Variants in KIAA1671 observed in about 807,000 individuals in gnomAD.
KIAA1671 encodes the protein uncharacterized protein KIAA1671.
A neutral mutation model predicts 131.2 loss-of-function variants in KIAA1671; 52 were observed. The ratio of observed to expected loss-of-function variants is 0.40; its 90% CI spans 0.32 to 0.50. The LOEUF is 0.50. KIAA1671 is among the 20% of genes least tolerant of loss of function. KIAA1671 has a pLI of 0.73. For synonymous variants in KIAA1671, 1,003 were observed against 961.6 expected (o/e 1.04, Z -0.80); for missense variants, 2,360 against 2,364.2 (o/e 1.00, Z 0.04).
intron 6 of KIAA1671, among the ~76,000 whole-genome samples, chr22:25,091,211 CCAT>C (rs1930011607): frequency 6.6e-6 from 1 of 152,144 alleles, no homozygotes; most frequent in African/African-American, 2.4e-5. Flanking sequence ...GCGCCCACCA[CCAT>C]GTCTGGCTAA....
Position 25,028,590 on chromosome 22 carries a change from T to C in KIAA1671, c.591T>C (p.Ala197=), listed in dbSNP as rs2145787395. 1 of 1,441,450 alleles carries C rather than the reference T, an allele frequency of 6.9e-7. No individual in the cohort carries two copies. The highest frequency in any genetic ancestry group is 3.0e-5 in the East Asian group (1 of 32,880). 89.3% of individuals were successfully genotyped at this position (1,441,450 alleles called of 1,614,324 possible). A position where few individuals can be genotyped will look rare whatever the true frequency, so the allele number is the denominator to read the frequency against. Residue 197 remains alanine, a synonymous_variant, in exon 3 of 13, where the codon GCT becomes GCC. Transcript: ENST00000358431. ...QKPAGTLPRS[A]PLSQDTKPPV... is the part of the protein sequence containing the mutation. ...CTGCGGGGACCCTTCCCCGGTCAGC[T>C]CCCCTGTCTCAGGACACAAAACCAC...
In KIAA1671 at chr22:24,971,736, G is replaced by A. The variant is rs114816926; in HGVS notation, c.-208+18964G>A. Reference sequence around the variant, plus strand: ...AAATTGGTATTTTTTTGGGGGGGTCGTGGATCATGAAGGAAAGAGTTTGGC... The same window carrying A: ...AAATTGGTATTTTTTTGGGGGGGTCATGGATCATGAAGGAAAGAGTTTGGC... On this transcript the variant is annotated intron_variant, in intron 1 of 12. Coordinates refer to ENST00000358431, the MANE Select transcript of KIAA1671 (RefSeq NM_001145206.2). Among the ~76,000 whole-genome samples the A allele has an allele frequency of 5.6e-3, 859 of 152,250 alleles. 7 individuals carry two copies. Among genetic ancestry groups the A allele is most frequent in the African/African-American group, 0.018 (758 of 41,552 alleles).
intron 6 of KIAA1671, chr22:25,059,685 G>C (rs923680367): frequency 6.6e-6 from 1 of 152,174 alleles, no homozygotes; most frequent in Admixed American, 6.6e-5. Context: ...TTGGCCAGGC[G>C]GAGGGAGGGG....
At chr22:24,998,973 T>C (rs1924290056) in intron 1 of KIAA1671, among the ~76,000 whole-genome samples, 1 of 152,044 alleles carries the variant, frequency 6.6e-6, no homozygotes, top group South Asian at 2.1e-4. Context: ...GTTATGAGCA[T>C]TCATATATAA....
At chr22:25,148,506 A>G (rs962990955) in intron 6 of KIAA1671, among the ~76,000 whole-genome samples, 4 of 152,222 alleles carry the variant, frequency 2.6e-5, no homozygotes, top group Non-Finnish European at 1.5e-5. Context: ...CCATGCAGGA[A>G]GTTCACAGCA....
In KIAA1671 at chr22:25,029,302, A is replaced by G; in HGVS notation, c.1303A>G (p.Arg435Gly). 1 of 1,529,002 alleles carries G rather than the reference A, an allele frequency of 6.5e-7. No individual in the cohort carries two copies. Among genetic ancestry groups the G allele is most frequent in the Non-Finnish European group, 8.8e-7 (1 of 1,133,426 alleles). The allele number at this position is 1,529,002 out of a possible 1,614,324, so 94.7% of individuals were successfully genotyped here. Residue 435 changes from arginine (R) to glycine (G), a missense_variant, in exon 3 of 13, where the codon AGG (arginine) becomes GGG (glycine). This residue lies in a region of KIAA1671 where 1,185 missense variants were observed against 1,126.2 expected (regional missense o/e 1.05). Coordinates refer to ENST00000358431, the MANE Select transcript of KIAA1671 (RefSeq NM_001145206.2). ...GGCAGGGGGAGAGTGGGCCTCCAGGAGGAGTGTCAGGAAGTGCATCAGCCT... is the reference window on the plus strand; with the variant it reads ...GGCAGGGGGAGAGTGGGCCTCCAGGGGGAGTGTCAGGAAGTGCATCAGCCT... Reference protein sequence around the residue: ...AAAGGEWASRRSVRKCISLFR... With the variant: ...AAAGGEWASRGSVRKCISLFR...
chr22:25,093,737 A>ACTCTCTCTCT (rs1326086246), intron 6 of KIAA1671, among the ~76,000 whole-genome samples: 23 of 30,144 alleles, frequency 7.6e-4, no homozygotes, highest in Non-Finnish European at 1.2e-3. Flanking sequence ...ACACACACAC[A>ACTCTCTCTCT]CTCTCTCTCT....
intron 6 of KIAA1671, among the ~76,000 whole-genome samples, chr22:25,117,104 G>A (rs1009165673): frequency 6.6e-6 from 1 of 152,150 alleles, no homozygotes; most frequent in Admixed American, 6.5e-5. Flanking sequence ...TCCAGACATT[G>A]CCAAGTCTCT....
At chr22:25,116,279 C>G (rs913917067) in intron 6 of KIAA1671, among the ~76,000 whole-genome samples, 3 of 151,112 alleles carry the variant, frequency 2.0e-5, no homozygotes, top group Non-Finnish European at 4.4e-5. Context: ...TGCTATGTTG[C>G]CCAGGCTGGT....
At chr22:25,137,015 CTAT>C (rs1242419285) in intron 6 of KIAA1671, among the ~76,000 whole-genome samples, 1 of 152,122 alleles carries the variant, frequency 6.6e-6, no homozygotes, top group African/African-American at 2.4e-5. Flanking sequence ...CTCCGCAATC[CTAT>C]TATTCTGTTC....
Position 25,032,677 on chromosome 22 carries a change from C to T in KIAA1671, c.1610C>T (p.Pro537Leu), listed in dbSNP as rs71321020. The T allele has an allele frequency of 1.3e-6, 2 of 1,545,902 alleles. No homozygotes were observed. Among genetic ancestry groups the T allele is most frequent in the South Asian group, 2.4e-5 (2 of 83,670 alleles). Residue 537 changes from proline (P) to leucine (L), a missense_variant, in exon 4 of 13, where the codon CCT (proline) becomes CTT (leucine). Coordinates refer to ENST00000358431, the MANE Select transcript of KIAA1671 (RefSeq NM_001145206.2). Reference protein sequence around the residue: ...EKSAELSGEFPKEPREKQKEG... With the variant: ...EKSAELSGEFLKEPREKQKEG... ...AGTGCTGAGCTGAGCGGCGAGTTTC[C>T]TAAGGAACCGAGAGAAAAGGTAAGG...
At chr22:25,164,978 C>CGT (rs59765745) in intron 6 of KIAA1671, among the ~76,000 whole-genome samples, 17,427 of 116,368 alleles carry the variant, frequency 0.15, 1,553 homozygotes, top group Middle Eastern at 0.16. Context: ...GAGTTGCAGG[C>CGT]GTGTGTGTGT....
rs1275632162 is a variant in KIAA1671 at position 25,177,409 on chromosome 22, G to A, written c.4961G>A (p.Arg1654His). The change falls in exon 9 of 13, where the codon CGC (arginine) becomes CAC (histidine). Residue 1654 changes from arginine (R) to histidine (H), a missense_variant. Arg to His is a conservative substitution (Grantham distance 29). This residue lies in a region of KIAA1671 where 1,161 missense variants were observed against 1,204.7 expected (regional missense o/e 0.96). Transcript: ENST00000358431. ...CGGGTGCAGCTCAGCAAGAGAAGCCGCCGCCGGGCCCCCATCTCCCACTCC... is the reference window on the plus strand; with the variant it reads ...CGGGTGCAGCTCAGCAAGAGAAGCCACCGCCGGGCCCCCATCTCCCACTCC... Reference protein sequence around the residue: ...KTRVQLSKRSRRRAPISHSLR... With the variant: ...KTRVQLSKRSHRRAPISHSLR... 1.7e-5 allele frequency: 26 copies of A among 1,551,726 alleles called. 1 individual carries two copies. In the Admixed American group the frequency reaches 3.1e-4, roughly 19 times the overall value.
At chr22:25,067,240 C>T (rs988706216) in intron 6 of KIAA1671, among the ~76,000 whole-genome samples, 1 of 152,010 alleles carries the variant, frequency 6.6e-6, no homozygotes, top group African/African-American at 2.4e-5. Flanking sequence ...TAGATTGGCT[C>T]TGTCTCCACC....
chr22:24,971,410 T>G (rs961926212), intron 1 of KIAA1671, among the ~76,000 whole-genome samples: 5 of 152,152 alleles, frequency 3.3e-5, no homozygotes, highest in African/African-American at 9.7e-5. Flanking sequence ...ATCCACAAAT[T>G]TGGGCATCTA....
chr22:25,018,232 C>T (rs5996817), intron 1 of KIAA1671, among the ~76,000 whole-genome samples: 3 of 151,806 alleles, frequency 2.0e-5, no homozygotes, highest in Admixed American at 1.3e-4. Context: ...AACGTTCCCA[C>T]CGCATTCCCT....
At chr22:25,184,492 A>G (rs1419513724) in intron 10 of KIAA1671, among the ~76,000 whole-genome samples, 1 of 152,202 alleles carries the variant, frequency 6.6e-6, no homozygotes, top group East Asian at 1.9e-4. Flanking sequence ...AGGGAACTTT[A>G]TGCACACCAT....
At chr22:25,151,534 C>T (rs760095962) in intron 6 of KIAA1671, among the ~76,000 whole-genome samples, 3 of 149,010 alleles carry the variant, frequency 2.0e-5, no homozygotes, top group African/African-American at 7.4e-5. Flanking sequence ...TGGGTTCAAG[C>T]GATTCTCATG....
intron 6 of KIAA1671, among the ~76,000 whole-genome samples, chr22:25,068,554 A>C (rs1159680829): frequency 6.6e-6 from 1 of 151,908 alleles, no homozygotes; most frequent in Non-Finnish European, 1.5e-5. Flanking sequence ...CTCCTGCCTC[A>C]GCCTCCCGAG....
Sources: gnomAD v4.1 joint callset for allele counts (sites outside exome capture counted in the v4.1 genomes callset) on GRCh38, gnomAD v4.1.1 for gene constraint, gnomAD v4.1.1 regional missense constraint, MANE v1.5 for transcripts, NCBI Gene and HGNC (gene_info 2026-07-23, HGNC 2026-07-21) for gene names.